Variants in PXN observed in about 807,000 individuals in gnomAD.
The protein encoded by PXN is testicular tissue protein Li 134.
PXN carries 61 observed loss-of-function variants against 103.6 expected under a neutral mutation model. The observed-to-expected ratio is 0.59, with a 90% CI of 0.48 to 0.73. The LOEUF (loss-of-function observed/expected upper bound fraction) is 0.73. PXN is among the 30% of genes least tolerant of loss of function. The pLI is 0.00. For missense variants in PXN, 1,274 were observed against 1,460.3 expected (o/e 0.87, Z 2.08); for synonymous variants, 562 against 607.8 (o/e 0.92, Z 1.11).
At chr12:120,234,196 C>T (rs1307899202) in intron 1 of PXN, among the ~76,000 whole-genome samples, 1 of 151,902 alleles carries the variant, frequency 6.6e-6, no homozygotes, top group African/African-American at 2.4e-5. Context: ...GCCAGGAGTT[C>T]GAAACCATGT....
rs1316441992 is a variant in PXN, at chr12:120,222,484, A to C, written c.695+65T>G. 6.7e-7 allele frequency: 1 copy of C among 1,483,332 alleles called. No homozygotes were observed. Among genetic ancestry groups the C allele is most frequent in the African/African-American group, 1.4e-5 (1 of 71,004 alleles). The allele number at this position is 1,483,332 out of a possible 1,614,324, so 91.9% of individuals were successfully genotyped here. On this transcript the variant is annotated intron_variant, in intron 5 of 14. Coordinates refer to ENST00000637617, the MANE Select transcript of PXN (RefSeq NM_001385981.1). The surrounding 1 kb of genome is among the most constrained non-coding windows in gnomAD (Gnocchi z 4.7). Reference sequence around the variant, plus strand: ...GGTGATACCAGGGCTAAGGGGACAGACACTGGACCCGGGGCAGGCTGGGCC... The same window carrying C: ...GGTGATACCAGGGCTAAGGGGACAGCCACTGGACCCGGGGCAGGCTGGGCC...
chr12:120,222,459 G>A lies in PXN; in HGVS notation c.695+90C>T. 7.3e-7 allele frequency: 1 copy of A among 1,362,386 alleles called. No homozygotes were observed. Among genetic ancestry groups the A allele is most frequent in the African/African-American group, 1.5e-5 (1 of 68,182 alleles). The allele number at this position is 1,362,386 out of a possible 1,614,324, so 84.4% of individuals were successfully genotyped here. On this transcript the variant is annotated intron_variant, in intron 5 of 14. Coordinates refer to ENST00000637617, the MANE Select transcript of PXN (RefSeq NM_001385981.1). This position sits in a 1 kb window ranked among gnomAD's most constrained non-coding sequence, Gnocchi z 4.7. ...CAAATGGCAGACACGGGAGGGAGTG[G>A]GTGATACCAGGGCTAAGGGGACAGA...
At position 120,219,341 on chromosome 12, in the gene PXN, C is replaced by T; in HGVS notation, c.1582G>A (p.Gly528Arg). ...TCTGGGCTCCTTGGGGTTTCAGGTC[C>T]CTGGGTTGGCCTGGCCACACTTCCC... ...ERGSVARPTQ[G>R]PETPRSPEGT... is the part of the protein sequence containing the mutation. Residue 528 changes from glycine to arginine, a missense_variant, in exon 7 of 15, where the codon GGA (glycine) becomes AGA (arginine). This residue lies in a region of PXN where 1,178 missense variants were observed against 1,309.0 expected (regional missense o/e 0.90). Transcript: ENST00000637617. The surrounding 1 kb of genome is among the most constrained non-coding windows in gnomAD (Gnocchi z 6.5). 6.3e-7 allele frequency: 1 copy of T among 1,598,418 alleles called. No homozygotes were observed. Among genetic ancestry groups the T allele is most frequent in the South Asian group, 1.1e-5 (1 of 91,078 alleles).
At chr12:120,253,732 G>A (rs1892570287) in intron 1 of PXN, among the ~76,000 whole-genome samples, 1 of 152,302 alleles carries the variant, frequency 6.6e-6, no homozygotes, top group South Asian at 2.1e-4. Context: ...ATTGTATATA[G>A]ATACAGTGAA....
At position 120,216,926 on chromosome 12, in the gene PXN, G is replaced by A. The variant is rs1883275756; in HGVS notation, c.1907C>T (p.Pro636Leu). ...CTCGGTCAGCCAGTCCTGGGCAGAG[G>A]GCCCCGCCGCCTCCGCCGGCTCCTC... ...EAEEPAEAAG[P>L]SAQDWLTEGV... is the part of the protein sequence containing the mutation. The change falls in exon 8 of 15, where the codon CCC (proline) becomes CTC (leucine). Residue 636 changes from proline (P) to leucine (L), a missense_variant. By Grantham distance (98) the Pro-to-Leu change is moderately conservative. This residue lies in a region of PXN where 1,178 missense variants were observed against 1,309.0 expected (regional missense o/e 0.90). Transcript: ENST00000637617. This position sits in a 1 kb window ranked among gnomAD's most constrained non-coding sequence, Gnocchi z 5.1. 2 of 1,531,540 alleles carry A rather than the reference G, an allele frequency of 1.3e-6. No homozygotes were observed. The highest frequency in any genetic ancestry group is 2.0e-5 in the Admixed American group (1 of 50,776). 94.9% of individuals were successfully genotyped at this position (1,531,540 alleles called of 1,614,324 possible). A position where few individuals can be genotyped will look rare whatever the true frequency, so the allele number is the denominator to read the frequency against.
At position 120,222,710 on chromosome 12, in the gene PXN, G is replaced by T. The variant is rs1284055511; in HGVS notation, c.534C>A (p.Ser178Arg). 9.9e-6 allele frequency: 16 copies of T among 1,609,194 alleles called. No homozygotes were observed. Among genetic ancestry groups the T allele is most frequent in the African/African-American group, 1.3e-5 (1 of 74,882 alleles). Residue 178 changes from serine to arginine, a missense_variant, in exon 5 of 15, where the codon AGC (serine) becomes AGA (arginine). Ser to Arg is a moderately radical substitution (Grantham distance 110). Around this residue, in one of 2 missense-constraint regions of PXN, gnomAD observed 1,178 missense variants for 1,309.0 expected, o/e 0.90. Coordinates refer to ENST00000637617, the MANE Select transcript of PXN (RefSeq NM_001385981.1). The surrounding 1 kb of genome is among the most constrained non-coding windows in gnomAD (Gnocchi z 4.7). ...TAGTCTCTGGGACACCATAGAGGGG[G>T]CTCAGGGCCCCAGGAAGCGGGGGGC... ...NSSPPLPGAL[S>R]PLYGVPETNS...
At position 120,233,050 on chromosome 12, in the gene PXN, C is replaced by T. The variant is rs76670419; in HGVS notation, c.14-8673G>A. Among the ~76,000 whole-genome samples, 227 of 152,324 alleles carry T rather than the reference C, an allele frequency of 1.5e-3. 1 individual carries two copies. In the East Asian group the frequency reaches 0.028, roughly 19 times the overall value. On this transcript the variant is annotated intron_variant, in intron 1 of 14. Coordinates refer to ENST00000637617, the MANE Select transcript of PXN (RefSeq NM_001385981.1). ...CCCTGTCATCACTTGCCTCCCTTTC[C>T]TTTCATCACCACAGCCAACCACTTG...
chr12:120,265,193 T>G lies in PXN; in HGVS notation c.13+424A>C. On this transcript the variant is annotated intron_variant, in intron 1 of 14. Coordinates refer to ENST00000637617, the MANE Select transcript of PXN (RefSeq NM_001385981.1). This position sits in a 1 kb window ranked among gnomAD's most constrained non-coding sequence, Gnocchi z 5.7. ...TGAGATCGGGCAGCTGCTCCCCGAG[T>G]TGGGCGGTCGATCTGTGAGGTGGGG... 6.9e-6 allele frequency among the ~76,000 whole-genome samples: 1 copy of G among 144,442 alleles called. No homozygotes were observed. The allele number at this position is 144,442 out of a possible 152,430, so 94.8% of individuals were successfully genotyped here. A position where few individuals can be genotyped will look rare whatever the true frequency, so the allele number is the denominator to read the frequency against.
At chr12:120,235,903 C>T (rs770941399) in intron 1 of PXN, among the ~76,000 whole-genome samples, 39 of 152,208 alleles carry the variant, frequency 2.6e-4, no homozygotes, top group Non-Finnish European at 1.2e-4. Context: ...CAACCTCTGA[C>T]CTCGCAGAGA....
At position 120,224,144 on chromosome 12, in the gene PXN, G is replaced by A. The variant is rs776743545; in HGVS notation, c.240+7C>T. 8.7e-5 allele frequency: 135 copies of A among 1,553,002 alleles called. No homozygotes were observed. The highest frequency in any genetic ancestry group is 1.8e-4 in the Middle Eastern group (1 of 5,710). ...CTTGGCCTTCCCAGCCACTGTCCCC[G>A]CCTCACCTGCTGGTGGATGAATCGG... On this transcript the variant is annotated splice_region_variant and intron_variant, in intron 2 of 14. Coordinates refer to ENST00000637617, the MANE Select transcript of PXN (RefSeq NM_001385981.1). This position sits in a 1 kb window ranked among gnomAD's most constrained non-coding sequence, Gnocchi z 5.0.
At chr12:120,226,115 T>C (rs1341803223) in intron 1 of PXN, 1 of 1,124,032 alleles carries the variant, frequency 8.9e-7, no homozygotes, top group Admixed American at 4.3e-5. Flanking sequence ...AAGGAACCAG[T>C]GTCCAGGCCA....
In PXN at chr12:120,216,263, T is replaced by G; in HGVS notation, c.2301+10A>C. ...GGGGACAGAAAGGGAGGGGCTCCTT[T>G]AAGGCCTGCCTGCATCGGGGGGAAG... On this transcript the variant is annotated intron_variant, in intron 9 of 14. Coordinates refer to ENST00000637617, the MANE Select transcript of PXN (RefSeq NM_001385981.1). This position sits in a 1 kb window ranked among gnomAD's most constrained non-coding sequence, Gnocchi z 5.1. 7.8e-7 allele frequency: 1 copy of G among 1,275,736 alleles called. No homozygotes were observed. The highest frequency in any genetic ancestry group is 9.8e-7 in the Non-Finnish European group (1 of 1,015,324). 79.0% of individuals were successfully genotyped at this position (1,275,736 alleles called of 1,614,324 possible).
intron 1 of PXN, among the ~76,000 whole-genome samples, chr12:120,252,022 A>G (rs1892276428): frequency 1.3e-5 from 2 of 152,272 alleles, no homozygotes; most frequent in South Asian, 4.1e-4. Context: ...GTGTAAAGTG[A>G]TCTGCCAGGG....
At position 120,219,829 on chromosome 12, in the gene PXN, G is replaced by A. The variant is rs779352028; in HGVS notation, c.1094C>T (p.Ser365Phe). 12 of 1,598,430 alleles carry A rather than the reference G, an allele frequency of 7.5e-6. No homozygotes were observed. Among genetic ancestry groups the A allele is most frequent in the Non-Finnish European group, 1.0e-5 (12 of 1,179,816 alleles). Residue 365 changes from serine to phenylalanine, a missense_variant, in exon 7 of 15, where the codon TCT (serine) becomes TTT (phenylalanine). Ser to Phe is a radical substitution (Grantham distance 155). Transcript: ENST00000637617. This position sits in a 1 kb window ranked among gnomAD's most constrained non-coding sequence, Gnocchi z 6.5. ...GVMPDTFNSR[S>F]PSVEGSLWAV... ...CCACAGAGAACCCTCCACAGAGGGAGACCTTGAGTTGAAGGTGTCAGGCAT... is the reference window on the plus strand; with the variant it reads ...CCACAGAGAACCCTCCACAGAGGGAAACCTTGAGTTGAAGGTGTCAGGCAT...
chr12:120,216,698 C>A lies in PXN; in HGVS notation c.1993-117G>T, dbSNP rs1234089141. 1 of 1,593,112 alleles carries A rather than the reference C, an allele frequency of 6.3e-7. No individual in the cohort carries two copies. Among genetic ancestry groups the A allele is most frequent in the Non-Finnish European group, 8.5e-7 (1 of 1,178,126 alleles). On this transcript the variant is annotated intron_variant, in intron 8 of 14. Coordinates refer to ENST00000637617, the MANE Select transcript of PXN (RefSeq NM_001385981.1). The surrounding 1 kb of genome is among the most constrained non-coding windows in gnomAD (Gnocchi z 5.1). ...TTCCCACTCTGCACCAAGAGTGGGG[C>A]CAGTCTTCCAAAGTCACAGGAGGCA...
At chr12:120,223,664 T>C in intron 3 of PXN, 54 bp downstream of exon 3, 1 of 1,389,120 alleles carries the variant, frequency 7.2e-7, no homozygotes, top group Non-Finnish European at 9.9e-7. Context: ...CCTGGCCAGG[T>C]CCCTGAGATT....
At position 120,210,971 on chromosome 12, in the gene PXN, G is replaced by T. The variant is rs908314131; in HGVS notation, c.*1343C>A. On this transcript the variant is annotated 3_prime_UTR_variant, in exon 15 of 15. Coordinates refer to ENST00000637617, the MANE Select transcript of PXN (RefSeq NM_001385981.1). ...TCCCACCTGTGAAAGGGGAGGAGCA[G>T]ATCTGGGGAAGGGATATGCCCAGAG... is the stretch of plus-strand genomic sequence containing the variant. 6.5e-6 allele frequency: 1 copy of T among 152,690 alleles called. No homozygotes were observed. The highest frequency in any genetic ancestry group is 1.5e-5 in the Non-Finnish European group (1 of 68,164). 9.5% of individuals were successfully genotyped at this position (152,690 alleles called of 1,614,324 possible). A position where few individuals can be genotyped will look rare whatever the true frequency, so the allele number is the denominator to read the frequency against.
rs1466317593 is a variant in PXN, at chr12:120,222,365, G to A, written c.695+184C>T. On this transcript the variant is annotated intron_variant, in intron 5 of 14. Coordinates refer to ENST00000637617, the MANE Select transcript of PXN (RefSeq NM_001385981.1). The surrounding 1 kb of genome is among the most constrained non-coding windows in gnomAD (Gnocchi z 4.7). ...AGCCTGCACAACGTCTGTCCTTTCT[G>A]ACTGGCAGTGACTGGCTGAAGGCAG... 6.6e-6 allele frequency among the ~76,000 whole-genome samples: 1 copy of A among 152,230 alleles called. No homozygotes were observed. The highest frequency in any genetic ancestry group is 1.5e-5 in the Non-Finnish European group (1 of 68,042).
At chr12:120,218,526 A>C (rs968469377) in intron 7 of PXN, among the ~76,000 whole-genome samples, 1 of 152,214 alleles carries the variant, frequency 6.6e-6, no homozygotes. Context: ...GGCATGCGCC[A>C]CCATGCCCAG....
Sources: gnomAD v4.1 joint callset for allele counts (sites outside exome capture counted in the v4.1 genomes callset) on GRCh38, gnomAD v4.1.1 for gene constraint, gnomAD v4.1.1 regional missense constraint, Gnocchi (gnomAD v3.1) non-coding constraint, MANE v1.5 for transcripts, NCBI Gene and HGNC (gene_info 2026-07-23, HGNC 2026-07-21) for gene names.